The following FER1L6 variants were observed in gnomAD, a reference collection of about 807,000 sequenced individuals.
The protein encoded by FER1L6 is fer-1 like family member 6, also known as fer-1-like protein 6.
Under a neutral mutation model 219.2 loss-of-function variants are expected in FER1L6, and 177 were observed. The observed-to-expected ratio is 0.81, with a 90% CI of 0.71 to 0.91. The LOEUF (loss-of-function observed/expected upper bound fraction) is 0.91. FER1L6 is among the 40% of genes least tolerant of loss of function. The pLI is 0.00. For missense variants in FER1L6, 2,153 were observed against 2,259.9 expected, an observed-to-expected ratio of 0.95 and a Z score of 0.96; for synonymous variants, 768 against 824.3, an observed-to-expected ratio of 0.93 and a Z score of 1.17.
Position 124,021,557 on chromosome 8 carries a change from T to A in FER1L6, c.2021T>A (p.Met674Lys), listed in dbSNP as rs201866760. The change falls in exon 17 of 41, where the codon ATG (methionine) becomes AAG (lysine). Residue 674 changes from methionine to lysine, a missense_variant. Transcript: ENST00000522917. ...LTLCWQELEA[M>K]CKEAKGIIQQ... Reference sequence around the variant, plus strand: ...ACTCTTGTCTTGTTTTAGGAAGCAATGTGCAAGGAGGCCAAGGGGATCATT... The same window carrying A: ...ACTCTTGTCTTGTTTTAGGAAGCAAAGTGCAAGGAGGCCAAGGGGATCATT... 6.2e-7 allele frequency: 1 copy of A among 1,613,958 alleles called. No homozygotes were observed. Among genetic ancestry groups the A allele is most frequent in the Non-Finnish European group, 8.5e-7 (1 of 1,179,866 alleles).
chr8:123,980,775 C>G lies in FER1L6; in HGVS notation c.1374C>G (p.Thr458=), dbSNP rs527654182. ...AGGCTTCAAACAAAACTAACTCAAC[C>G]GAGGTGGAGGTGGAATCGTTCGATG... ...SQQASNKTNS[T]EVEVESFDVP... is the part of the protein sequence containing the mutation. The change falls in exon 11 of 41, where the codon ACC becomes ACG. Residue 458 remains threonine, a synonymous_variant. Transcript: ENST00000522917. The G allele has an allele frequency of 8.1e-6, 13 of 1,613,912 alleles. No individual in the cohort carries two copies. Among genetic ancestry groups the G allele is most frequent in the Non-Finnish European group, 1.1e-5 (13 of 1,179,992 alleles).
intron 5 of FER1L6, among the ~76,000 whole-genome samples, chr8:123,969,505 TA>T (rs1762597217): frequency 6.6e-6 from 1 of 152,184 alleles, no homozygotes; most frequent in Admixed American, 6.5e-5. Flanking sequence ...AGTGAGAATA[TA>T]AAATTCCCAT....
At chr8:123,938,688 AGGT>A (rs1462396836) in intron 1 of FER1L6, among the ~76,000 whole-genome samples, 1 of 151,876 alleles carries the variant, frequency 6.6e-6, no homozygotes, top group Non-Finnish European at 1.5e-5. Context: ...CTGGGACTAC[AGGT>A]GCCTACTGCC....
Position 124,119,689 on chromosome 8 carries a change from A to C in FER1L6, c.5473A>C (p.Ile1825Leu). The change falls in exon 41 of 41, where the codon ATC (isoleucine) becomes CTC (leucine). Residue 1825 changes from isoleucine (I) to leucine (L), a missense_variant. By Grantham distance (5) the Ile-to-Leu change is conservative. Transcript: ENST00000522917. ...YLIWKNYKKY[I>L]IIAFILIILI... Reference sequence around the variant, plus strand: ...CATCTGGAAGAATTACAAAAAGTACATCATCATTGCTTTCATTCTCATCAT... The same window carrying C: ...CATCTGGAAGAATTACAAAAAGTACCTCATCATTGCTTTCATTCTCATCAT... 1 of 1,612,934 alleles carries C rather than the reference A, an allele frequency of 6.2e-7. No individual in the cohort carries two copies. Among genetic ancestry groups the C allele is most frequent in the Non-Finnish European group, 8.5e-7 (1 of 1,178,968 alleles).
intron 31 of FER1L6, among the ~76,000 whole-genome samples, chr8:124,074,650 T>TAAAAA (rs58971221): frequency 8.7e-6 from 1 of 114,354 alleles, no homozygotes; most frequent in African/African-American, 3.1e-5. Context: ...AGATACTGTC[T>TAAAAA]AAAAAAAAAA....
At chr8:124,013,669 T>A (rs1053924138) in intron 15 of FER1L6, 138 bp downstream of exon 15, 1 of 458,306 alleles carries the variant, frequency 2.2e-6, no homozygotes, top group Non-Finnish European at 3.9e-6. Flanking sequence ...TTTTGTTCAG[T>A]AATTTCACTC....
intron 1 of FER1L6, among the ~76,000 whole-genome samples, chr8:123,955,637 G>A (rs1204288761): frequency 1.3e-5 from 2 of 152,218 alleles, no homozygotes; most frequent in Admixed American, 6.5e-5. Context: ...GGCAGGAGAG[G>A]GTTGCTGTGG....
intron 1 of FER1L6, among the ~76,000 whole-genome samples, chr8:123,923,188 G>A (rs1029533693): frequency 6.6e-6 from 1 of 152,242 alleles, no homozygotes; most frequent in Non-Finnish European, 1.5e-5. Context: ...GAGAGAAAAT[G>A]TCTGAATCAG....
intron 34 of FER1L6, among the ~76,000 whole-genome samples, chr8:124,093,417 C>A (rs1415203458): frequency 1.3e-5 from 2 of 151,732 alleles, no homozygotes; most frequent in African/African-American, 4.8e-5. Flanking sequence ...AAGTACTGAA[C>A]CATACATAGG....
At chr8:123,875,594 A>C (rs913861308) in intron 1 of FER1L6, among the ~76,000 whole-genome samples, 15 of 152,158 alleles carry the variant, frequency 9.9e-5, no homozygotes, top group African/African-American at 3.1e-4. Context: ...AATTCCATAT[A>C]TGTATATACA....
Position 124,035,294 on chromosome 8 carries a change from G to A in FER1L6, c.2304G>A (p.Pro768=), listed in dbSNP as rs762753428. ...THFLKPPGKR[P]AGWSVQAKVD... is the part of the protein sequence containing the mutation. ...TTCTCCAGCCTCCTGGGAAACGACC[G>A]GCTGGTTGGTCTGTGCAAGCAAAAG... is the stretch of plus-strand genomic sequence containing the variant. The change falls in exon 19 of 41, where the codon CCG becomes CCA. Residue 768 remains proline (P), a synonymous_variant. Coordinates refer to ENST00000522917, the MANE Select transcript of FER1L6 (RefSeq NM_001039112.2). 1.5e-5 allele frequency: 24 copies of A among 1,613,632 alleles called. No homozygotes were observed. The highest frequency in any genetic ancestry group is 2.2e-5 in the East Asian group (1 of 44,876).
At chr8:124,084,145 T>C (rs895086295) in intron 33 of FER1L6, among the ~76,000 whole-genome samples, 5 of 152,002 alleles carry the variant, frequency 3.3e-5, no homozygotes, top group Non-Finnish European at 5.9e-5. Flanking sequence ...TTATCAGTTC[T>C]AACGGTTTTC....
At chr8:124,117,492 G>A (rs903926710) in intron 39 of FER1L6, among the ~76,000 whole-genome samples, 7 of 152,156 alleles carry the variant, frequency 4.6e-5, no homozygotes, top group Non-Finnish European at 8.8e-5. Context: ...TTCTCAATGG[G>A]AATGAAAGAC....
chr8:124,045,768 T>A lies in FER1L6; in HGVS notation c.2591T>A (p.Ile864Lys). ...TFLSHCQTTK[I>K]ISQTLSPTWN... ...CTTTTCTTTGGTCCCTGCTTCCAGATAATCTCCCAGACCCTCTCTCCGACC... is the reference window on the plus strand; with the variant it reads ...CTTTTCTTTGGTCCCTGCTTCCAGAAAATCTCCCAGACCCTCTCTCCGACC... The change falls in exon 21 of 41, where the codon ATA becomes AAA. Residue 864 changes from isoleucine (I) to lysine (K), a missense_variant and splice_region_variant. Physicochemically the swap from Ile to Lys is moderately radical, Grantham distance 102. Transcript: ENST00000522917. 3.7e-6 allele frequency: 6 copies of A among 1,613,998 alleles called. No individual in the cohort carries two copies. The highest frequency in any genetic ancestry group is 5.1e-6 in the Non-Finnish European group (6 of 1,179,958).
At position 123,955,342 on chromosome 8, in the gene FER1L6, G is replaced by A. The variant is rs140896134; in HGVS notation, c.-7-650G>A. 2.0e-4 allele frequency among the ~76,000 whole-genome samples: 31 copies of A among 152,336 alleles called. No individual in the cohort carries two copies. In the East Asian group the frequency reaches 5.2e-3, roughly 26 times the overall value. ...CTTATGGCTAACAATAACAATAATA[G>A]CAGTGGACCTTCTGGGCATGTGTCA... On this transcript the variant is annotated intron_variant, in intron 1 of 40. Transcript: ENST00000522917.
At chr8:124,065,610 C>T (rs565191474) in intron 26 of FER1L6, among the ~76,000 whole-genome samples, 1 of 152,300 alleles carries the variant, frequency 6.6e-6, no homozygotes, top group East Asian at 1.9e-4. Context: ...TTTCTGTTGA[C>T]TTCTCGGATT....
In FER1L6 at chr8:124,017,697, T is replaced by G; in HGVS notation, c.1992T>G (p.Leu664=). The change falls in exon 16 of 41, where the codon CTT becomes CTG. Residue 664 remains leucine (L), a synonymous_variant. Coordinates refer to ENST00000522917, the MANE Select transcript of FER1L6 (RefSeq NM_001039112.2). ...LNQTTLDKKR[L]TLCWQELEAM... The stretch of plus-strand genomic sequence containing the variant: ...AAACCACTTTAGATAAGAAGCGACT[T>G]ACGCTCTGCTGGCAGGAGCTGGTAT... The G allele has an allele frequency of 6.2e-7, 1 of 1,613,674 alleles. No homozygotes were observed. Among genetic ancestry groups the G allele is most frequent in the Non-Finnish European group, 8.5e-7 (1 of 1,179,632 alleles).
chr8:124,049,663 C>G lies in FER1L6; in HGVS notation c.2781C>G (p.Asp927Glu). ...CTGCTCCTGTTGTGAAGCTGGCTGA[C>G]CAGGACTATGAGCCCCCCAGGTTAT... ...TVAAPVVKLA[D>E]QDYEPPRLCY... The change falls in exon 22 of 41, where the codon GAC becomes GAG. Residue 927 changes from aspartate (D) to glutamate (E), a missense_variant. Coordinates refer to ENST00000522917, the MANE Select transcript of FER1L6 (RefSeq NM_001039112.2). The G allele has an allele frequency of 6.2e-7, 1 of 1,614,022 alleles. No homozygotes were observed. The highest frequency in any genetic ancestry group is 2.2e-5 in the East Asian group (1 of 44,870).
rs779747501 is a variant in FER1L6 at position 124,062,031 on chromosome 8, C to T, written c.3327C>T (p.His1109=). The T allele has an allele frequency of 3.4e-5, 55 of 1,613,830 alleles. No homozygotes were observed. Among genetic ancestry groups the T allele is most frequent in the East Asian group, 2.9e-4 (13 of 44,890 alleles). The change falls in exon 25 of 41, where the codon CAC becomes CAT. Residue 1109 remains histidine (H), a splice_region_variant and synonymous_variant. Coordinates refer to ENST00000522917, the MANE Select transcript of FER1L6 (RefSeq NM_001039112.2). ...ITQVDGTQPG[H]DISDSLTATE... ...AGGTGGATGGAACCCAGCCTGGGCA[C>T]GGTGAGAAGCTGCTCTTAGATTTTG... is the stretch of plus-strand genomic sequence containing the variant.
Sources: allele counts gnomAD v4.1 joint callset (sites outside exome capture counted in the v4.1 genomes callset), GRCh38; gene constraint gnomAD v4.1.1; transcripts MANE v1.5; gene names NCBI Gene and HGNC (gene_info 2026-07-23, HGNC 2026-07-21).